Variants in ERCC5 observed in about 807,000 individuals in gnomAD.
ERCC5 encodes ERCC excision repair 5, endonuclease.
Under a neutral mutation model 105.6 loss-of-function variants are expected in ERCC5, and 68 were observed. That is an observed-to-expected ratio of 0.64 (90% CI 0.53 to 0.79). The LOEUF (loss-of-function observed/expected upper bound fraction) is 0.79, where lower values mean the gene tolerates loss of function less well. Ranked by LOEUF, ERCC5 falls within the 30% of genes least tolerant of loss-of-function variation. ERCC5 has a pLI of 0.00. For missense variants in ERCC5, 1,373 were observed against 1,426.7 expected (o/e 0.96, Z 0.61); for synonymous variants, 546 against 526.2 (o/e 1.04, Z -0.51).
intron 14 of ERCC5, 117 bp from the exon 15 acceptor site, chr13:102,875,189 TA>T (rs1325710817): frequency 7.7e-6 from 9 of 1,173,698 alleles, no homozygotes; most frequent in Non-Finnish European, 1.1e-5. Flanking sequence ...GATAATGAAT[TA>T]ATATTCTCTG....
In ERCC5 at chr13:102,861,733, T is replaced by C. The variant is rs1033419109; in HGVS notation, c.880+19T>C. Reference sequence around the variant, plus strand: ...ATAAAAGGTATCAGGCACCATCATTTATATATTTACATTAAAAAATCAAAG... The same window carrying C: ...ATAAAAGGTATCAGGCACCATCATTCATATATTTACATTAAAAAATCAAAG... On this transcript the variant is annotated intron_variant, in intron 7 of 14. Coordinates refer to ENST00000652225, the MANE Select transcript of ERCC5 (RefSeq NM_000123.4). The C allele has an allele frequency of 4.3e-6, 7 of 1,613,658 alleles. No individual in the cohort carries two copies. Among genetic ancestry groups the C allele is most frequent in the Admixed American group, 1.7e-5 (1 of 59,968 alleles).
At chr13:102,866,867 G>T in intron 11 of ERCC5, 22 bp downstream of exon 11, 2 of 1,588,062 alleles carry the variant, frequency 1.3e-6, no homozygotes, top group South Asian at 1.1e-5. Context: ...GAGTCTTTTT[G>T]ATTACTTTCT....
chr13:102,852,086 C>T (rs1318751844), intron 1 of ERCC5, 32 bp from the exon 2 acceptor site: 1 of 1,612,752 alleles, frequency 6.2e-7, no homozygotes, highest in Non-Finnish European at 8.5e-7. Flanking sequence ...AGAGAAAAAT[C>T]CCGGAGTTTT....
At chr13:102,859,276 T>C (rs1882537504) in intron 6 of ERCC5, among the ~76,000 whole-genome samples, 1 of 152,210 alleles carries the variant, frequency 6.6e-6, no homozygotes, top group Non-Finnish European at 1.5e-5. Context: ...GATGGAGTGT[T>C]TTTTTATTTT....
In ERCC5 at chr13:102,875,884, G is replaced by A. The variant is rs1883207383; in HGVS notation, c.3542G>A (p.Gly1181Glu). 1.2e-6 allele frequency: 2 copies of A among 1,608,170 alleles called. No individual in the cohort carries two copies. Among genetic ancestry groups the A allele is most frequent in the Non-Finnish European group, 1.7e-6 (2 of 1,179,932 alleles). The change falls in exon 15 of 15, where the codon GGA (glycine) becomes GAA (glutamate). Residue 1181 changes from glycine to glutamate, a missense_variant. Physicochemically the swap from Gly to Glu is moderately conservative, Grantham distance 98 (BLOSUM62 -2). Transcript: ENST00000652225. ...AGAAGGAAACTAAGACGTGCGAGGG[G>A]AAGAAAAAGGAAAACCTAATTAAAA... ...KKRRKLRRAR[G>E]RKRKT
In ERCC5 at chr13:102,854,330, C is replaced by T. The variant is rs140613269; in HGVS notation, c.423C>T (p.Asn141=). 2.9e-5 allele frequency: 47 copies of T among 1,614,042 alleles called. No individual in the cohort carries two copies. The highest frequency in any genetic ancestry group is 1.6e-4 in the Middle Eastern group (1 of 6,084). Residue 141 remains asparagine, a synonymous_variant, in exon 4 of 15, where the codon AAC becomes AAT. Coordinates refer to ENST00000652225, the MANE Select transcript of ERCC5 (RefSeq NM_000123.4). The part of the protein sequence containing the change: ...LPSLTQVRRE[N]DLYVLPPLQE... ...GTCTTACCCAAGTTCGAAGAGAAAA[C>T]GACCTCTATGTTTTGCCTCCTTTAC...
At chr13:102,847,941 A>T (rs1452144735) in intron 1 of ERCC5, among the ~76,000 whole-genome samples, 2 of 152,186 alleles carry the variant, frequency 1.3e-5, no homozygotes, top group Non-Finnish European at 2.9e-5. Context: ...CAGGAGGATC[A>T]TTTGAGCCCA....
intron 8 of ERCC5, chr13:102,864,881 T>C (rs1043730518): frequency 6.6e-6 from 1 of 152,456 alleles, no homozygotes; most frequent in African/African-American, 2.4e-5. Flanking sequence ...GAGTTTATAC[T>C]GACATCTGCA....
rs866534601 is a variant in ERCC5 at position 102,872,355 on chromosome 13, G to T, written c.2836G>T (p.Gly946Ter). The stretch of plus-strand genomic sequence containing the variant: ...CAAACCCGTGGTGGATGACTCGAAG[G>T]GATCCTTTCTGTGGGGGAAACCTGA... The part of the protein sequence containing the change: ...YLKPVVDDSK[G>*]SFLWGKPDLD... Residue 946 changes from glycine (G) to a stop codon, truncating the protein, a stop_gained, in exon 13 of 15, where the codon GGA becomes TGA. Transcript: ENST00000652225. LOFTEE classifies it high-confidence loss of function. The T allele has an allele frequency of 6.2e-7, 1 of 1,614,150 alleles. No homozygotes were observed. Among genetic ancestry groups the T allele is most frequent in the Non-Finnish European group, 8.5e-7 (1 of 1,180,034 alleles).
intron 1 of ERCC5, 53 bp from the exon 2 acceptor site, chr13:102,852,065 T>C (rs1882224588): frequency 4.4e-6 from 7 of 1,592,818 alleles, no homozygotes; most frequent in Non-Finnish European, 6.0e-6. Flanking sequence ...AAATTGAAGT[T>C]GTGAGGATGA....
At chr13:102,848,163 G>GTGA (rs1178800055) in intron 1 of ERCC5, among the ~76,000 whole-genome samples, 3 of 854 alleles carry the variant, frequency 3.5e-3, no homozygotes, top group Admixed American at 0.038. Flanking sequence ...AGACATTCTA[G>GTGA]TCATGACAAC....
intron 1 of ERCC5, among the ~76,000 whole-genome samples, chr13:102,851,041 G>A (rs959608620): frequency 1.3e-5 from 2 of 152,120 alleles, no homozygotes; most frequent in African/African-American, 4.8e-5. Context: ...AAAAATATAA[G>A]AAAACTTCAA....
intron 6 of ERCC5, chr13:102,858,797 CTTAGG>C (rs906972405): frequency 1.9e-5 from 8 of 427,858 alleles, no homozygotes; most frequent in African/African-American, 1.0e-4. Context: ...TGACTCAATT[CTTAGG>C]TTAGGTCATA....
At position 102,862,406 on chromosome 13, in the gene ERCC5, G is replaced by T. The variant is rs371251823; in HGVS notation, c.1257G>T (p.Met419Ile). The change falls in exon 8 of 15, where the codon ATG (methionine) becomes ATT (isoleucine). Residue 419 changes from methionine to isoleucine, a missense_variant. Met to Ile is a conservative substitution (Grantham distance 10, BLOSUM62 1). This residue lies in a region of ERCC5 where 1,004 missense variants were observed against 1,059.7 expected (regional missense o/e 0.95). Transcript: ENST00000652225. ...VQTGGPGAEE[M>I]RINSSTENSD... ...CGGGAGGGCCAGGAGCAGAAGAAAT[G>T]CGTATAAACAGCTCCACCGAGAACA... 5.0e-6 allele frequency: 8 copies of T among 1,603,208 alleles called. No individual in the cohort carries two copies. In the African/African-American group the frequency reaches 9.8e-5, roughly 20 times the overall value.
At chr13:102,852,374 G>C (rs1327888765) in intron 2 of ERCC5, 81 bp downstream of exon 2, 2 of 1,546,154 alleles carry the variant, frequency 1.3e-6, no homozygotes, top group Non-Finnish European at 1.8e-6. Context: ...TAAAATTTTT[G>C]TTTTCTCTTT....
Position 102,866,069 on chromosome 13 carries a change from A to G in ERCC5, c.2199+158A>G, listed in dbSNP as rs1346070634. ...TTTTGTGTAGGTTACTGGCTGGGAT[A>G]GACTCCGTTTTCCATGTGGTTTAGT... On this transcript the variant is annotated intron_variant, in intron 9 of 14. Transcript: ENST00000652225. 8 of 1,498,284 alleles carry G rather than the reference A, an allele frequency of 5.3e-6. No individual in the cohort carries two copies. In the East Asian group the frequency reaches 1.6e-4, roughly 30 times the overall value. The allele number at this position is 1,498,284 out of a possible 1,614,324, so 92.8% of individuals were successfully genotyped here.
At chr13:102,873,376 G>C (rs1171908578) in intron 14 of ERCC5, 33 bp downstream of exon 14, 2 of 1,613,352 alleles carry the variant, frequency 1.2e-6, no homozygotes, top group Admixed American at 3.3e-5. Flanking sequence ...CTAAGTTCAG[G>C]ATGAAGGGTA....
chr13:102,855,533 G>T (rs1002842006), intron 4 of ERCC5, among the ~76,000 whole-genome samples: 2 of 152,198 alleles, frequency 1.3e-5, no homozygotes, highest in African/African-American at 4.8e-5. Flanking sequence ...TTGCAGGCGT[G>T]AGCCACCACA....
intron 5 of ERCC5, among the ~76,000 whole-genome samples, chr13:102,857,432 A>C (rs1457894661): frequency 6.6e-6 from 1 of 152,196 alleles, no homozygotes; most frequent in Non-Finnish European, 1.5e-5. Context: ...AGTGAGGGAA[A>C]GCACAGGAAA....
Sources: allele counts gnomAD v4.1 joint callset (sites outside exome capture counted in the v4.1 genomes callset), GRCh38; gene constraint gnomAD v4.1.1; regional missense constraint gnomAD v4.1.1; transcripts MANE v1.5; gene names NCBI Gene and HGNC (gene_info 2026-07-23, HGNC 2026-07-21).